RYR2: variants seen among roughly 807,000 people sequenced by gnomAD.
RYR2 encodes the protein ryanodine receptor 2, also known as cardiac muscle ryanodine receptor-calcium release channel.
A neutral mutation model predicts 601.1 loss-of-function variants in RYR2; 227 were observed. The observed-to-expected ratio is 0.38, with a 90% CI of 0.34 to 0.42. RYR2 has a LOEUF of 0.42. RYR2 is among the 10% of genes least tolerant of loss of function. RYR2 has a pLI of 1.00. For missense variants in RYR2, 4,646 were observed against 6,156.5 expected (o/e 0.75, Z 8.21); for synonymous variants, 2,223 against 2,175.1 (o/e 1.02, Z -0.61).
At chr1:237,499,833 A>G (rs1230303007) in intron 20 of RYR2, among the ~76,000 whole-genome samples, 9 of 152,234 alleles carry the variant, frequency 5.9e-5, no homozygotes. Context: ...GTTTATGTTT[A>G]TGAGCATGTG....
intron 2 of RYR2, among the ~76,000 whole-genome samples, chr1:237,324,613 G>C (rs1411490883): frequency 6.6e-6 from 1 of 152,102 alleles, no homozygotes; most frequent in African/African-American, 2.4e-5. Context: ...CATTGTCCAG[G>C]TTATCATGCA....
Position 237,060,679 on chromosome 1 carries a change from C to T in RYR2, c.48+18110C>T, listed in dbSNP as rs12090226. Among the ~76,000 whole-genome samples, 41 of 152,100 alleles carry T rather than the reference C, an allele frequency of 2.7e-4. No homozygotes were observed. The East Asian group carries it at 7.7e-3, about 29-fold the overall frequency. On this transcript the variant is annotated intron_variant, in intron 1 of 104. Coordinates refer to ENST00000366574, the MANE Select transcript of RYR2 (RefSeq NM_001035.3). ...ATGGAATGACAATGCAATATGCACT[C>T]TTTTGTGTCTAGTTTCTTTTGCTTC...
In RYR2 at chr1:237,518,391, C is replaced by G. The variant is rs759239309; in HGVS notation, c.2822+6600C>G. On this transcript the variant is annotated intron_variant, in intron 24 of 104. Coordinates refer to ENST00000366574, the MANE Select transcript of RYR2 (RefSeq NM_001035.3). ...GTATATTGCACCCATTACGTAATTT[C>G]TCATCATCTACTCCCTTCCAATCCC... is the stretch of plus-strand genomic sequence containing the variant. Among the ~76,000 whole-genome samples the G allele has an allele frequency of 1.1e-3, 167 of 152,094 alleles. 1 individual carries two copies. The highest frequency in any genetic ancestry group is 1.8e-3 in the Non-Finnish European group (121 of 68,008).
intron 1 of RYR2, among the ~76,000 whole-genome samples, chr1:237,045,116 T>A (rs1479844219): frequency 6.6e-6 from 1 of 152,182 alleles, no homozygotes; most frequent in African/African-American, 2.4e-5. Context: ...GTGAATTTGA[T>A]GGGACATTTC....
At chr1:237,651,737 T>C (rs974611044) in intron 51 of RYR2, among the ~76,000 whole-genome samples, 2 of 152,054 alleles carry the variant, frequency 1.3e-5, no homozygotes, top group African/African-American at 4.8e-5. Flanking sequence ...TAGAAATCAA[T>C]TGAAAAAAAA....
intron 4 of RYR2, among the ~76,000 whole-genome samples, 186 bp from the exon 5 acceptor site, chr1:237,364,172 T>C (rs1700010253): frequency 6.6e-6 from 1 of 152,118 alleles, no homozygotes; most frequent in African/African-American, 2.4e-5. Flanking sequence ...TTGCTACGGC[T>C]TTTCTCTAGC....
intron 104 of RYR2, 57 bp from the exon 105 acceptor site, chr1:237,832,495 T>C: frequency 2.6e-6 from 3 of 1,144,862 alleles, no homozygotes; most frequent in Non-Finnish European, 3.9e-6. Flanking sequence ...TTCTACCTTA[T>C]GTTTTGTTAG....
chr1:237,430,368 GC>G (rs1301201542), intron 12 of RYR2, among the ~76,000 whole-genome samples: 3 of 151,654 alleles, frequency 2.0e-5, no homozygotes, highest in African/African-American at 7.2e-5. Flanking sequence ...TATAGGTATT[GC>G]AAATCTTATG....
chr1:237,130,411 C>T (rs999332492), intron 1 of RYR2, among the ~76,000 whole-genome samples: 2 of 152,022 alleles, frequency 1.3e-5, no homozygotes, highest in African/African-American at 4.8e-5. Context: ...GCCTTATGTC[C>T]CCTTAAAAAT....
At position 237,550,033 on chromosome 1, in the gene RYR2, T is replaced by C. The variant is rs543632252; in HGVS notation, c.3067-511T>C. Among the ~76,000 whole-genome samples, 10 of 152,316 alleles carry C rather than the reference T, an allele frequency of 6.6e-5. No homozygotes were observed. The South Asian group carries it at 2.1e-3, about 32-fold the overall frequency. ...TTAGTGCCCCTGGCATTGCCGGGTT[T>C]CACTGGTTGGTGGATTCAACCCAAT... On this transcript the variant is annotated intron_variant, in intron 26 of 104. Transcript: ENST00000366574.
chr1:237,166,544 A>G (rs1676734090), intron 1 of RYR2, among the ~76,000 whole-genome samples: 1 of 152,170 alleles, frequency 6.6e-6, no homozygotes, highest in Non-Finnish European at 1.5e-5. Context: ...AATTGGCCAT[A>G]TATTTTAAAA....
rs371383631 is a variant in RYR2, at chr1:237,674,090, T to A, written c.8591-6T>A. On this transcript the variant is annotated splice_polypyrimidine_tract_variant and splice_region_variant and intron_variant, in intron 58 of 104. Coordinates refer to ENST00000366574, the MANE Select transcript of RYR2 (RefSeq NM_001035.3). ...ATGCTGTGTTCTTGTCCTGACATACTCTTAGGAGGAGGAAACCATCCTCTG... is the reference window on the plus strand; with the variant it reads ...ATGCTGTGTTCTTGTCCTGACATACACTTAGGAGGAGGAAACCATCCTCTG... 1 of 1,609,988 alleles carries A rather than the reference T, an allele frequency of 6.2e-7. No individual in the cohort carries two copies. The highest frequency in any genetic ancestry group is 8.5e-7 in the Non-Finnish European group (1 of 1,176,840).
At chr1:237,404,588 T>C (rs888633007) in intron 10 of RYR2, among the ~76,000 whole-genome samples, 10 of 152,244 alleles carry the variant, frequency 6.6e-5, no homozygotes, top group Admixed American at 2.6e-4. Context: ...ACCCCAGCTA[T>C]ACACATCCTG....
At chr1:237,102,640 G>A (rs1668242341) in intron 1 of RYR2, among the ~76,000 whole-genome samples, 1 of 152,170 alleles carries the variant, frequency 6.6e-6, no homozygotes, top group African/African-American at 2.4e-5. Flanking sequence ...TGGATCACTT[G>A]AGGTCAGGAG....
intron 17 of RYR2, among the ~76,000 whole-genome samples, chr1:237,472,146 G>C (rs1660797061): frequency 6.6e-6 from 1 of 152,120 alleles, no homozygotes; most frequent in African/African-American, 2.4e-5. Flanking sequence ...TTAGTTTTTA[G>C]AGGCAGTAAC....
In RYR2 at chr1:237,080,486, T is replaced by TG. The variant is rs1204488469; in HGVS notation, c.48+37917_48+37918insG. ...TGGGCGAAGGACATGAACAGACACTTCTCAAAAGAAGACATTTATGCAGCC... is the reference window on the plus strand; with the variant it reads ...TGGGCGAAGGACATGAACAGACACTTGCTCAAAAGAAGACATTTATGCAGCC... On this transcript the variant is annotated intron_variant, in intron 1 of 104. Coordinates refer to ENST00000366574, the MANE Select transcript of RYR2 (RefSeq NM_001035.3). Among the ~76,000 whole-genome samples, 10 of 65,986 alleles carry TG rather than the reference T, an allele frequency of 1.5e-4. 1 individual carries two copies. The highest frequency in any genetic ancestry group is 5.3e-4 in the African/African-American group (10 of 18,898). The allele number at this position is 65,986 out of a possible 152,430, so 43.3% of individuals were successfully genotyped here. A position where few individuals can be genotyped will look rare whatever the true frequency, so the allele number is the denominator to read the frequency against.
intron 33 of RYR2, among the ~76,000 whole-genome samples, chr1:237,594,689 T>G (rs147939297): frequency 6.6e-6 from 1 of 151,938 alleles, no homozygotes; most frequent in Admixed American, 6.6e-5. Flanking sequence ...AAAAACTGAT[T>G]TATCCCAGCC....
chr1:237,533,722 T>C (rs1668348938), intron 25 of RYR2, among the ~76,000 whole-genome samples: 1 of 152,120 alleles, frequency 6.6e-6, no homozygotes. Context: ...TGGAGATACA[T>C]ACTTCGATAA....
chr1:237,127,051 T>A (rs1671513738), intron 1 of RYR2, among the ~76,000 whole-genome samples: 1 of 151,892 alleles, frequency 6.6e-6, no homozygotes, highest in Admixed American at 6.6e-5. Context: ...CCTTAATCCA[T>A]TTAACCCTGA....
Sources: allele counts gnomAD v4.1 joint callset (sites outside exome capture counted in the v4.1 genomes callset), GRCh38; gene constraint gnomAD v4.1.1; transcripts MANE v1.5; gene names NCBI Gene and HGNC (gene_info 2026-07-23, HGNC 2026-07-21).